SNX31: variants seen among roughly 807,000 people sequenced by gnomAD.
The protein encoded by SNX31 is sorting nexin-31.
SNX31 carries 58 observed loss-of-function variants against 65.4 expected under a neutral mutation model. The observed-to-expected ratio is 0.89, with a 90% CI of 0.72 to 1.10. The LOEUF (loss-of-function observed/expected upper bound fraction) is 1.10, where lower values mean the gene tolerates loss of function less well. SNX31 is among the 50% of genes least tolerant of loss of function. SNX31 has a pLI of 0.00. For missense variants in SNX31, 523 were observed against 529.7 expected, an observed-to-expected ratio of 0.99 and a Z score of 0.12; for synonymous variants, 181 against 190.1, an observed-to-expected ratio of 0.95 and a Z score of 0.39.
intron 1 of SNX31, among the ~76,000 whole-genome samples, chr8:100,655,240 T>C (rs961534037): frequency 4.8e-5 from 7 of 146,902 alleles, no homozygotes; most frequent in South Asian, 2.1e-4. Context: ...AAGGTGATGT[T>C]TGAGAGAGAT....
Position 100,594,065 on chromosome 8 carries a change from G to A in SNX31, c.978+2574C>T, listed in dbSNP as rs1401706188. On this transcript the variant is annotated intron_variant, in intron 10 of 13. Transcript: ENST00000311812. This position sits in a 1 kb window ranked among gnomAD's most constrained non-coding sequence, Gnocchi z 4.0. The stretch of plus-strand genomic sequence containing the variant: ...CACCTGTAATCCCAGCACTTTGGGA[G>A]GCCGAAGCAGGCAGATTGTTTGAGG... Among the ~76,000 whole-genome samples, 3 of 152,104 alleles carry A rather than the reference G, an allele frequency of 2.0e-5. No individual in the cohort carries two copies. Among genetic ancestry groups the A allele is most frequent in the Admixed American group, 1.3e-4 (2 of 15,270 alleles).
At chr8:100,653,453 T>C (rs1441281746), upstream of SNX31, among the ~76,000 whole-genome samples, 3 of 152,180 alleles carry the variant, frequency 2.0e-5, no homozygotes, top group African/African-American at 7.2e-5. Flanking sequence ...CCAATTAGCG[T>C]ATCCTTATAA....
chr8:100,608,618 C>T, intron 7 of SNX31, 55 bp from the exon 8 acceptor site: 5 of 1,567,124 alleles, frequency 3.2e-6, no homozygotes, highest in Admixed American at 1.7e-5. Context: ...ATGGGCACAC[C>T]TGGCAAGTGC....
intron 13 of SNX31, among the ~76,000 whole-genome samples, chr8:100,574,630 T>TA (rs34042673): frequency 0.74 from 98,255 of 131,982 alleles, 37,100 homozygotes; most frequent in Non-Finnish European, 0.83. Context: ...AGACTCCGTC[T>TA]AAAAAAAAAA....
chr8:100,603,506 G>A (rs1471979633), intron 8 of SNX31, among the ~76,000 whole-genome samples: 1 of 147,920 alleles, frequency 6.8e-6, no homozygotes, highest in Admixed American at 6.8e-5. Flanking sequence ...CGCAATCTCG[G>A]CTCACTGCAA....
intron 10 of SNX31, among the ~76,000 whole-genome samples, chr8:100,593,620 A>G (rs1814791966): frequency 6.6e-6 from 1 of 151,806 alleles, no homozygotes; most frequent in Admixed American, 6.6e-5. Flanking sequence ...CGCCCAGCTA[A>G]TTTTTGTAGT....
rs181542863 is a variant in SNX31 at position 100,587,866 on chromosome 8, G to A, written c.1092+1000C>T. 2.3e-3 allele frequency among the ~76,000 whole-genome samples: 345 copies of A among 152,154 alleles called. 1 individual carries two copies. Among genetic ancestry groups the A allele is most frequent in the South Asian group, 8.3e-3 (40 of 4,820 alleles). Reference sequence around the variant, plus strand: ...TTATACATCAGTTAATGATGATGGGGGTATGTTCTGAGAAATGCATCATTA... The same window carrying A: ...TTATACATCAGTTAATGATGATGGGAGTATGTTCTGAGAAATGCATCATTA... On this transcript the variant is annotated intron_variant, in intron 11 of 13. Coordinates refer to ENST00000311812, the MANE Select transcript of SNX31 (RefSeq NM_152628.4).
chr8:100,615,970 C>T (rs141063190), intron 5 of SNX31, among the ~76,000 whole-genome samples: 3,491 of 152,078 alleles, frequency 0.023, 54 homozygotes, highest in Non-Finnish European at 0.028. Context: ...GAGATGTGGT[C>T]TCACTGTGTT....
chr8:100,645,696 C>T (rs1188312495), intron 2 of SNX31, among the ~76,000 whole-genome samples: 5 of 150,310 alleles, frequency 3.3e-5, no homozygotes, highest in Non-Finnish European at 7.4e-5. Flanking sequence ...ACTGCAACCT[C>T]CACCTCCCAG....
At chr8:100,659,379 C>T (rs997115139) in intron 1 of SNX31, among the ~76,000 whole-genome samples, 2 of 133,014 alleles carry the variant, frequency 1.5e-5, no homozygotes, top group Admixed American at 7.6e-5. Flanking sequence ...AAAAAAAAAG[C>T]GTGGGGGGAC....
chr8:100,644,717 T>G (rs1819508438), intron 2 of SNX31, among the ~76,000 whole-genome samples: 1 of 152,228 alleles, frequency 6.6e-6, no homozygotes, highest in Non-Finnish European at 1.5e-5. Context: ...CAGCCTGGAG[T>G]GCAGTGGTGG....
Position 100,625,611 on chromosome 8 carries a change from C to T in SNX31, c.321+4716G>A, listed in dbSNP as rs1422249458. Among the ~76,000 whole-genome samples, 1 of 152,186 alleles carries T rather than the reference C, an allele frequency of 6.6e-6. No homozygotes were observed. Among genetic ancestry groups the T allele is most frequent in the East Asian group, 1.9e-4 (1 of 5,182 alleles). On this transcript the variant is annotated intron_variant, in intron 4 of 13. Transcript: ENST00000311812. This position sits in a 1 kb window ranked among gnomAD's most constrained non-coding sequence, Gnocchi z 4.2. ...AAACAGAAAACAATGAAAAGGAAAG[C>T]ATCCTTGAAGAAACTTACAAATAGC...
intron 11 of SNX31, among the ~76,000 whole-genome samples, chr8:100,584,775 G>A (rs1331305210): frequency 7.3e-6 from 1 of 136,084 alleles, no homozygotes; most frequent in Non-Finnish European, 1.5e-5. Context: ...CTCTGAGACA[G>A]TCTCACTCTG....
chr8:100,651,418 C>A (rs1819969434), upstream of SNX31, among the ~76,000 whole-genome samples: 1 of 152,218 alleles, frequency 6.6e-6, no homozygotes, highest in Non-Finnish European at 1.5e-5. Flanking sequence ...TTTCCTGGAA[C>A]TTTCCTGCTC....
In SNX31 at chr8:100,585,927, G is replaced by GT. The variant is rs536663675; in HGVS notation, c.1093-1740dup. The stretch of plus-strand genomic sequence containing the variant: ...GACAAAGCAAAAGGATCGAGTTGTT[G>GT]TTTTTTTTTCTGAGATGGAGTCTTG... On this transcript the variant is annotated intron_variant, in intron 11 of 13. Coordinates refer to ENST00000311812, the MANE Select transcript of SNX31 (RefSeq NM_152628.4). Among the ~76,000 whole-genome samples the GT allele has an allele frequency of 3.4e-4, 51 of 151,118 alleles. 1 individual carries two copies. Among genetic ancestry groups the GT allele is most frequent in the Admixed American group, 2.8e-3 (42 of 15,156 alleles).
intron 2 of SNX31, 151 bp from the exon 3 acceptor site, chr8:100,636,162 C>T: frequency 1.7e-6 from 1 of 589,550 alleles, no homozygotes; most frequent in Non-Finnish European, 3.0e-6. Context: ...AGAGGACAAT[C>T]TGATTTTCTT....
At chr8:100,659,116 T>C (rs1052968678) in intron 1 of SNX31, among the ~76,000 whole-genome samples, 6 of 151,806 alleles carry the variant, frequency 4.0e-5, no homozygotes, top group Non-Finnish European at 8.8e-5. Flanking sequence ...GAGGCCGAGG[T>C]GGGTGAATCA....
At chr8:100,601,438 A>G (rs1815616237) in intron 8 of SNX31, among the ~76,000 whole-genome samples, 1 of 152,140 alleles carries the variant, frequency 6.6e-6, no homozygotes, top group Admixed American at 6.5e-5. Context: ...ACAACATAAA[A>G]CCCTCATATG....
rs1815148981 is a variant in SNX31 at position 100,596,909 on chromosome 8, T to C, written c.775-67A>G. 4 of 1,347,998 alleles carry C rather than the reference T, an allele frequency of 3.0e-6. No homozygotes were observed. The South Asian group carries it at 4.7e-5, about 16-fold the overall frequency. The allele number at this position is 1,347,998 out of a possible 1,614,324, so 83.5% of individuals were successfully genotyped here. A position where few individuals can be genotyped will look rare whatever the true frequency, so the allele number is the denominator to read the frequency against. On this transcript the variant is annotated intron_variant, in intron 9 of 13. Transcript: ENST00000311812. ...GAAGCAAAAGACCACTTGAAACAGA[T>C]GAAAACCTCATGTCAGAAGCTACTG... is the stretch of plus-strand genomic sequence containing the variant.
Sources: allele counts gnomAD v4.1 joint callset (sites outside exome capture counted in the v4.1 genomes callset), GRCh38; gene constraint gnomAD v4.1.1; non-coding constraint Gnocchi (gnomAD v3.1); transcripts MANE v1.5; gene names NCBI Gene and HGNC (gene_info 2026-07-23, HGNC 2026-07-21).